Variants in NUBP2 observed in about 807,000 individuals in gnomAD.
The protein encoded by NUBP2 is NUBP iron-sulfur cluster assembly factor 2, cytosolic, also known as cytosolic Fe-S cluster assembly factor NUBP2.
A neutral mutation model predicts 24.9 loss-of-function variants in NUBP2; 23 were observed. That is an observed-to-expected ratio of 0.92 (90% CI 0.66 to 1.31). The LOEUF (loss-of-function observed/expected upper bound fraction) is 1.31, where lower values mean the gene tolerates loss of function less well. NUBP2 is among the 50% of genes most tolerant of loss of function. The pLI, the probability that NUBP2 is intolerant of heterozygous loss-of-function variation, is 0.00. For synonymous variants in NUBP2, 186 were observed against 170.9 expected, an observed-to-expected ratio of 1.09 and a Z score of -0.69; for missense variants, 403 against 386.5, an observed-to-expected ratio of 1.04 and a Z score of -0.36.
At chr16:1,783,798 A>G (rs1045230002) in intron 1 of NUBP2, 1 of 166,704 alleles carries the variant, frequency 6.0e-6, no homozygotes, top group Non-Finnish European at 1.2e-5. Context: ...GGTTCACGCC[A>G]TTCTCCTGCC....
rs1366429870 is a variant in NUBP2 at position 1,786,524 on chromosome 16, TG to T, written c.17-12del. 12 of 1,582,590 alleles carry T rather than the reference TG, an allele frequency of 7.6e-6. No homozygotes were observed. The highest frequency in any genetic ancestry group is 1.0e-5 in the Non-Finnish European group (12 of 1,160,044). On this transcript the variant is annotated splice_polypyrimidine_tract_variant and intron_variant, in intron 1 of 6. Coordinates refer to ENST00000262302, the MANE Select transcript of NUBP2 (RefSeq NM_012225.4). Reference sequence around the variant, plus strand: ...CCAGGAGCCCTGACCTTCTCTGTCGTGTTTCCGCCCAGAGCCTGGAAACCTG... The same window carrying T: ...CCAGGAGCCCTGACCTTCTCTGTCGTTTTCCGCCCAGAGCCTGGAAACCTG...
chr16:1,783,316 C>T (rs1896809550), intron 1 of NUBP2: 5 of 1,123,266 alleles, frequency 4.5e-6, no homozygotes, highest in Non-Finnish European at 5.4e-6. Context: ...GCGTTGTAGG[C>T]GGGCGCGGTG....
At chr16:1,787,131 T>G in intron 3 of NUBP2, 176 bp downstream of exon 3, 2 of 580,400 alleles carry the variant, frequency 3.4e-6, no homozygotes, top group Non-Finnish European at 2.9e-6. Context: ...GGGTCCGTGC[T>G]GCCACACAGC....
chr16:1,788,173 G>A lies in NUBP2; in HGVS notation c.636G>A (p.Glu212=), dbSNP rs772578902. ...GCGTCTTCTCCAGGGGCGGCGGAGA[G>A]GAGCTGGCCCAGCTCGCCGGGGTGC... ...CTSVFSRGGG[E]ELAQLAGVPF... is the part of the protein sequence containing the mutation. Residue 212 remains glutamate (E), a synonymous_variant, in exon 6 of 7, where the codon GAG becomes GAA. Coordinates refer to ENST00000262302, the MANE Select transcript of NUBP2 (RefSeq NM_012225.4). 6 of 1,530,838 alleles carry A rather than the reference G, an allele frequency of 3.9e-6. No individual in the cohort carries two copies. The Admixed American group carries it at 1.1e-4, about 29-fold the overall frequency. 94.8% of individuals were successfully genotyped at this position (1,530,838 alleles called of 1,614,324 possible). A position where few individuals can be genotyped will look rare whatever the true frequency, so the allele number is the denominator to read the frequency against.
At chr16:1,788,257 G>C in intron 6 of NUBP2, 50 bp downstream of exon 6, 5 of 1,433,496 alleles carry the variant, frequency 3.5e-6, no homozygotes, top group Non-Finnish European at 4.6e-6. Context: ...TTCCATCTCT[G>C]CCCTGGGCGG....
At chr16:1,787,917 G>A (rs564323504) in intron 4 of NUBP2, 24 bp from the exon 5 acceptor site, 23 of 1,601,482 alleles carry the variant, frequency 1.4e-5, no homozygotes, top group South Asian at 9.9e-5. Flanking sequence ...CTGGCTGACC[G>A]TGGCCTCGGC....
intron 1 of NUBP2, 25 bp from the exon 2 acceptor site, chr16:1,786,512 C>T (rs375102943): frequency 3.4e-5 from 53 of 1,564,882 alleles, no homozygotes; most frequent in Non-Finnish European, 4.4e-5. Context: ...GGAGCCCTGA[C>T]CTTCTCTGTC....
chr16:1,783,485 C>T (rs1896818528), intron 1 of NUBP2: 2 of 991,008 alleles, frequency 2.0e-6, no homozygotes, highest in South Asian at 4.7e-5. Flanking sequence ...GTGGAAGTGG[C>T]GCTCTCAGTG....
chr16:1,786,295 CGCCGCCTCAGGCAGGTGCAGGGAGT>C, intron 1 of NUBP2: 1 of 541,808 alleles, frequency 1.8e-6, no homozygotes, highest in Non-Finnish European at 3.3e-6. Flanking sequence ...CTCTCAGCAG[CGCCGCCTCAGGCAGGTGCAGGGAGT>C]GCCGTGGTCT....
chr16:1,788,200 CT>C lies in NUBP2; in HGVS notation c.665del (p.Phe222SerfsTer2). 6.7e-7 allele frequency: 1 copy of C among 1,492,928 alleles called. No individual in the cohort carries two copies. The highest frequency in any genetic ancestry group is 1.4e-5 in the South Asian group (1 of 73,898). The allele number at this position is 1,492,928 out of a possible 1,614,324, so 92.5% of individuals were successfully genotyped here. ...AGCTGGCCCAGCTCGCCGGGGTGCCCTTCTTAGGTGAGTGTCCCAAGCTGGT... is the reference window on the plus strand; with the variant it reads ...AGCTGGCCCAGCTCGCCGGGGTGCCCTCTTAGGTGAGTGTCCCAAGCTGGT... ...EELAQLAGVP[F>X]LGSVPLDPAL... On this transcript the variant is annotated frameshift_variant, in exon 6 of 7. Coordinates refer to ENST00000262302, the MANE Select transcript of NUBP2 (RefSeq NM_012225.4). LOFTEE classifies it low-confidence loss of function (END_TRUNC).
At chr16:1,787,254 G>T in intron 3 of NUBP2, 1 of 423,016 alleles carries the variant, frequency 2.4e-6, no homozygotes, top group Non-Finnish European at 4.2e-6. Flanking sequence ...AGGGGGTTCT[G>T]GTGCCTCTGG....
chr16:1,787,085 A>G (rs555982941), intron 3 of NUBP2, 130 bp downstream of exon 3: 5 of 846,976 alleles, frequency 5.9e-6, no homozygotes, highest in East Asian at 5.5e-5. Context: ...ACCCACGACC[A>G]GGCACAGGGC....
At chr16:1,783,116 C>T in intron 1 of NUBP2, 80 bp downstream of exon 1, 2 of 1,214,390 alleles carry the variant, frequency 1.6e-6, no homozygotes, top group African/African-American at 1.6e-5. Context: ...GGCGGCCTCG[C>T]TGCGTCGCGC....
At chr16:1,787,480 C>A in intron 3 of NUBP2, 197 bp from the exon 4 acceptor site, 1 of 697,770 alleles carries the variant, frequency 1.4e-6, no homozygotes, top group Non-Finnish European at 2.4e-6. Flanking sequence ...CAGAAAGGGA[C>A]GCTGTAATGG....
chr16:1,787,046 A>G, intron 3 of NUBP2, 91 bp downstream of exon 3: 3 of 1,281,354 alleles, frequency 2.3e-6, no homozygotes, highest in Non-Finnish European at 3.1e-6. Flanking sequence ...TTCAGCAGCC[A>G]GGCCTGTTCC....
At chr16:1,785,084 A>T in intron 1 of NUBP2, 3 of 985,684 alleles carry the variant, frequency 3.0e-6, no homozygotes, top group Non-Finnish European at 3.6e-6. Context: ...GTAAAAATAT[A>T]TTTGTCCACC....
At chr16:1,785,711 C>A (rs1567234742) in intron 1 of NUBP2, 2 of 1,289,066 alleles carry the variant, frequency 1.6e-6, no homozygotes, top group East Asian at 1.1e-4. Flanking sequence ...GGTCTGAGGA[C>A]CCGCCTGCAT....
At chr16:1,784,091 G>A (rs1442857398) in intron 1 of NUBP2, 2 of 889,906 alleles carry the variant, frequency 2.2e-6, no homozygotes, top group Non-Finnish European at 1.3e-6. Context: ...GAGATTGATA[G>A]AAGCTTTTTT....
rs1897046578 is a variant in NUBP2, at chr16:1,787,732, G to T, written c.390G>T (p.Val130=). The part of the protein sequence containing the change: ...DVAWGELDYL[V]VDTPPGTSDE... ...CCTGGGGGGAGCTGGACTACCTGGT[G>T]GTGGACACGCCCCCGGGGACCTCCG... The change falls in exon 4 of 7, where the codon GTG becomes GTT. Residue 130 remains valine, a synonymous_variant. Coordinates refer to ENST00000262302, the MANE Select transcript of NUBP2 (RefSeq NM_012225.4). The T allele has an allele frequency of 6.2e-7, 1 of 1,612,588 alleles. No homozygotes were observed. The highest frequency in any genetic ancestry group is 1.1e-5 in the South Asian group (1 of 91,096).
Sources: allele counts gnomAD v4.1 joint callset, GRCh38; gene constraint gnomAD v4.1.1; transcripts MANE v1.5; gene names NCBI Gene and HGNC (gene_info 2026-07-23, HGNC 2026-07-21).